The following HCRTR2 variants were observed in gnomAD, a reference collection of about 807,000 sequenced individuals.
HCRTR2 encodes orexin receptor type 2.
In HCRTR2, 22 loss-of-function variants were observed where a neutral mutation model predicts 49.0. That is an observed-to-expected ratio of 0.45 (90% CI 0.32 to 0.64). The LOEUF (loss-of-function observed/expected upper bound fraction) is 0.64. Ranked by LOEUF, HCRTR2 falls within the 30% of genes least tolerant of loss-of-function variation. The pLI is 0.04. For missense variants in HCRTR2, 491 were observed against 559.4 expected (o/e 0.88, Z 1.23); for synonymous variants, 236 against 205.3 (o/e 1.15, Z -1.28).
intron 4 of HCRTR2, among the ~76,000 whole-genome samples, chr6:55,269,811 G>A (rs945088239): frequency 7.2e-5 from 11 of 151,954 alleles, no homozygotes; most frequent in East Asian, 1.9e-4. Flanking sequence ...ACACAAAAAT[G>A]AGCCAGGCAT....
chr6:55,254,723 C>T (rs1766616653), intron 2 of HCRTR2, among the ~76,000 whole-genome samples: 1 of 149,212 alleles, frequency 6.7e-6, no homozygotes, highest in South Asian at 2.1e-4. Context: ...ACATATTATT[C>T]TTTATAATTG....
intron 1 of HCRTR2, among the ~76,000 whole-genome samples, chr6:55,232,786 A>C (rs910904539): frequency 6.6e-6 from 1 of 152,208 alleles, no homozygotes; most frequent in Non-Finnish European, 1.5e-5. Context: ...CAAGTATCTC[A>C]ATCTTATACA....
At chr6:55,283,033 G>C (rs547172751), downstream of HCRTR2, among the ~76,000 whole-genome samples, 133 of 152,176 alleles carry the variant, frequency 8.7e-4, 1 homozygote, top group African/African-American at 3.1e-3. Flanking sequence ...ATTTTCTCAG[G>C]TTTGCAAATT....
intron 1 of HCRTR2, among the ~76,000 whole-genome samples, chr6:55,142,251 C>G (rs989791955): frequency 6.6e-6 from 1 of 151,750 alleles, no homozygotes; most frequent in African/African-American, 2.4e-5. Flanking sequence ...GGCTAGAGTG[C>G]AGTGGCACGA....
intron 4 of HCRTR2, among the ~76,000 whole-genome samples, chr6:55,269,087 C>CAAAAAAAAAAAAAAAAA (rs1158724252): frequency 1.8e-5 from 1 of 55,750 alleles, no homozygotes; most frequent in Non-Finnish European, 4.3e-5. Flanking sequence ...GACTCCGTCT[C>CAAAAAAAAAAAAAAAAA]AAAAAAAAAA....
intron 1 of HCRTR2, among the ~76,000 whole-genome samples, chr6:55,156,180 T>C (rs1178666576): frequency 6.6e-6 from 1 of 151,810 alleles, no homozygotes; most frequent in East Asian, 1.9e-4. Context: ...AATGGAATTG[T>C]TGTGGCTCAT....
chr6:55,132,151 A>G (rs1764367231), intron 1 of HCRTR2, among the ~76,000 whole-genome samples: 1 of 151,922 alleles, frequency 6.6e-6, no homozygotes, highest in South Asian at 2.1e-4. Flanking sequence ...AACATATAAA[A>G]GTTAATGACT....
intron 1 of HCRTR2, among the ~76,000 whole-genome samples, chr6:55,176,236 A>G (rs953592672): frequency 7.2e-5 from 11 of 152,066 alleles, no homozygotes; most frequent in Admixed American, 7.2e-4. Flanking sequence ...GAGACAAGAA[A>G]CCTCTGAGAA....
chr6:55,109,804 A>ATAAT lies in HCRTR2; in HGVS notation c.-378+3261_-378+3264dup, dbSNP rs531508805. On this transcript the variant is annotated intron_variant, in intron 1 of 7. Transcript: ENST00000615358. ...AAGTTTGTAAAACATATTTGAAGGA[A>ATAAT]TAATTGAGGAAAACTTCTCTGGAGG... is the stretch of plus-strand genomic sequence containing the variant. Among the ~76,000 whole-genome samples, 240 of 152,336 alleles carry ATAAT rather than the reference A, an allele frequency of 1.6e-3. 1 individual carries two copies. The highest frequency in any genetic ancestry group is 2.5e-3 in the Non-Finnish European group (171 of 68,026).
chr6:55,243,083 A>G (rs1014350562), intron 1 of HCRTR2, among the ~76,000 whole-genome samples: 1 of 152,182 alleles, frequency 6.6e-6, no homozygotes, highest in African/African-American at 2.4e-5. Context: ...ATTCTTTCAG[A>G]GAAAGAACCG....
chr6:55,116,705 A>AGGAG (rs1554165884), intron 1 of HCRTR2, among the ~76,000 whole-genome samples: 3 of 16,564 alleles, frequency 1.8e-4, no homozygotes, highest in Admixed American at 2.2e-3. Context: ...CAGTACTGTA[A>AGGAG]AGAGAGAGAG....
intron 1 of HCRTR2, among the ~76,000 whole-genome samples, chr6:55,130,434 C>G (rs958859609): frequency 6.6e-6 from 1 of 150,966 alleles, no homozygotes; most frequent in African/African-American, 2.4e-5. Flanking sequence ...GTAATCCAAC[C>G]AGTTTCTATA....
In HCRTR2 at chr6:55,226,711, G is replaced by GTTTTTT. The variant is rs777871106; in HGVS notation, c.224-21909_224-21904dup. On this transcript the variant is annotated intron_variant, in intron 1 of 6. Coordinates refer to ENST00000370862, the MANE Select transcript of HCRTR2 (RefSeq NM_001384272.1). ...TGTAGAGTGATACCAAATTCCAGGT[G>GTTTTTT]TTTTTTTTTTTTTTTTTTTTTTTTG... Among the ~76,000 whole-genome samples, 34 of 74,292 alleles carry GTTTTTT rather than the reference G, an allele frequency of 4.6e-4. 1 individual carries two copies. Among genetic ancestry groups the GTTTTTT allele is most frequent in the African/African-American group, 1.4e-3 (23 of 16,812 alleles). The allele number at this position is 74,292 out of a possible 152,430, so 48.7% of individuals were successfully genotyped here. A position where few individuals can be genotyped will look rare whatever the true frequency, so the allele number is the denominator to read the frequency against.
chr6:55,230,926 G>T (rs1766103088), intron 1 of HCRTR2, among the ~76,000 whole-genome samples: 2 of 151,888 alleles, frequency 1.3e-5, no homozygotes. Flanking sequence ...TCCTTTGTTG[G>T]GGGCTGCGAG....
intron 3 of HCRTR2, among the ~76,000 whole-genome samples, chr6:55,260,253 G>A (rs900245591): frequency 4.6e-5 from 7 of 152,096 alleles, no homozygotes; most frequent in African/African-American, 1.4e-4. Context: ...AGGTATGTAA[G>A]CTTCAAAGTT....
intron 4 of HCRTR2, among the ~76,000 whole-genome samples, chr6:55,273,844 G>C (rs79557327): frequency 6.6e-6 from 1 of 151,664 alleles, no homozygotes; most frequent in Non-Finnish European, 1.5e-5. Context: ...TACTTTTTAA[G>C]TGAGGTGAGT....
chr6:55,263,900 G>A, intron 4 of HCRTR2, 78 bp downstream of exon 4: 1 of 923,080 alleles, frequency 1.1e-6, no homozygotes, highest in Non-Finnish European at 1.7e-6. Flanking sequence ...CAAATATTTT[G>A]TCTGTGCTTT....
At chr6:55,190,430 A>G (rs1423524065) in intron 1 of HCRTR2, among the ~76,000 whole-genome samples, 1 of 152,178 alleles carries the variant, frequency 6.6e-6, no homozygotes, top group African/African-American at 2.4e-5. Flanking sequence ...GGGAAGGAGA[A>G]GACTCAAAAT....
intron 4 of HCRTR2, among the ~76,000 whole-genome samples, chr6:55,268,042 A>C (rs1766895601): frequency 6.6e-6 from 1 of 152,220 alleles, no homozygotes; most frequent in Admixed American, 6.5e-5. Context: ...ATGTATACAG[A>C]TGTAGTTCAA....
Sources: gnomAD v4.1 joint callset for allele counts (sites outside exome capture counted in the v4.1 genomes callset) on GRCh38, gnomAD v4.1.1 for gene constraint, MANE v1.5 for transcripts, NCBI Gene and HGNC (gene_info 2026-07-23, HGNC 2026-07-21) for gene names.